The following VRK3 variants were observed in gnomAD, a reference collection of about 807,000 sequenced individuals.
The protein encoded by VRK3 is serine/threonine-protein kinase VRK3.
A neutral mutation model predicts 60.4 loss-of-function variants in VRK3; 50 were observed. The observed-to-expected ratio is 0.83, with a 90% confidence interval of 0.66 to 1.05. The LOEUF (loss-of-function observed/expected upper bound fraction) is 1.05. Among genes scored for constraint, VRK3 ranks in the 50% least tolerant of loss-of-function variants. The pLI is 0.00. For missense variants in VRK3, 549 were observed against 585.3 expected (o/e 0.94, Z 0.64); for synonymous variants, 246 against 227.8 (o/e 1.08, Z -0.72).
intron 14 of VRK3, chr19:49,978,826 C>T: frequency 5.4e-6 from 2 of 373,216 alleles, no homozygotes; most frequent in South Asian, 1.2e-4. Context: ...GCCTGAAGCT[C>T]CCCCTTGTAA....
chr19:49,993,532 G>A (rs542174619), intron 9 of VRK3, among the ~76,000 whole-genome samples: 1 of 152,186 alleles, frequency 6.6e-6, no homozygotes, highest in African/African-American at 2.4e-5. Context: ...ACAAGTAGCT[G>A]GGACTACAGG....
chr19:50,015,929 T>C (rs1468651053), intron 3 of VRK3, 95 bp downstream of exon 3: 2 of 1,549,184 alleles, frequency 1.3e-6, no homozygotes, highest in East Asian at 4.5e-5. Flanking sequence ...CAGGACAGGG[T>C]CAGACAGGCT....
At chr19:50,005,050 A>AT (rs1005087701) in intron 5 of VRK3, among the ~76,000 whole-genome samples, 7 of 148,270 alleles carry the variant, frequency 4.7e-5, no homozygotes, top group Admixed American at 4.0e-4. Context: ...TCCCTCTGTT[A>AT]TTAACACTGC....
rs528141248 is a variant in VRK3, at chr19:49,988,146, C to T, written c.1217+226G>A. The T allele has an allele frequency of 1.8e-4, 87 of 476,386 alleles. 1 individual carries two copies. In the South Asian group the frequency reaches 2.0e-3, roughly 11 times the overall value. The allele number at this position is 476,386 out of a possible 1,614,324, so 29.5% of individuals were successfully genotyped here. A position where few individuals can be genotyped will look rare whatever the true frequency, so the allele number is the denominator to read the frequency against. On this transcript the variant is annotated intron_variant, in intron 12 of 14. Coordinates refer to ENST00000316763, the MANE Select transcript of VRK3 (RefSeq NM_016440.4). Reference sequence around the variant, plus strand: ...CACTGAGGCTCGCAGACGTTAACACCCCACAGTGGTGGTGCCAGAGTCTGA... The same window carrying T: ...CACTGAGGCTCGCAGACGTTAACACTCCACAGTGGTGGTGCCAGAGTCTGA...
At chr19:49,992,604 A>G (rs911843487) in intron 10 of VRK3, among the ~76,000 whole-genome samples, 1 of 152,214 alleles carries the variant, frequency 6.6e-6, no homozygotes. Flanking sequence ...TTACATCTCT[A>G]TAGTTACTAA....
intron 3 of VRK3, 100 bp downstream of exon 3, chr19:50,015,924 C>A: frequency 6.5e-7 from 1 of 1,531,956 alleles, no homozygotes; most frequent in Non-Finnish European, 8.9e-7. Flanking sequence ...AGTGTCAGGA[C>A]AGGGTCAGAC....
intron 5 of VRK3, among the ~76,000 whole-genome samples, chr19:50,007,000 C>A (rs535275800): frequency 6.6e-6 from 1 of 152,146 alleles, no homozygotes; most frequent in African/African-American, 2.4e-5. Flanking sequence ...TGCAGAAACC[C>A]TGAGCCCAGC....
intron 9 of VRK3, among the ~76,000 whole-genome samples, chr19:49,994,316 C>T (rs1371119114): frequency 6.6e-6 from 1 of 152,194 alleles, no homozygotes; most frequent in Non-Finnish European, 1.5e-5. Flanking sequence ...TTATGCTGCT[C>T]CCTGCTCTGC....
intron 12 of VRK3, chr19:49,981,900 G>T: frequency 9.9e-7 from 1 of 1,011,346 alleles, no homozygotes; most frequent in Non-Finnish European, 1.3e-6. Context: ...TAGGTTCAAA[G>T]CAAGCAGGCT....
chr19:49,979,392 G>T, intron 13 of VRK3, 150 bp from the exon 14 acceptor site: 4 of 1,118,782 alleles, frequency 3.6e-6, no homozygotes, highest in Non-Finnish European at 3.8e-6. Flanking sequence ...GCCTGGCATT[G>T]CCAGAGGACT....
chr19:50,005,684 G>A (rs932210679), intron 5 of VRK3, among the ~76,000 whole-genome samples: 2 of 149,936 alleles, frequency 1.3e-5, no homozygotes, highest in Admixed American at 6.6e-5. Context: ...AGAATATCAC[G>A]CAGCCATAAA....
At chr19:49,994,783 C>T (rs376135528) in intron 9 of VRK3, 31 bp downstream of exon 9, 17 of 1,594,954 alleles carry the variant, frequency 1.1e-5, no homozygotes, top group South Asian at 2.2e-5. Flanking sequence ...CCCTCCCTGA[C>T]GCGGCAGCTG....
chr19:49,981,617 G>T, intron 12 of VRK3: 1 of 702,816 alleles, frequency 1.4e-6, no homozygotes, highest in Non-Finnish European at 1.8e-6. Context: ...TATGTAATAA[G>T]TATTGTTGAT....
chr19:49,985,901 G>A (rs2076507252), intron 12 of VRK3, among the ~76,000 whole-genome samples: 2 of 152,220 alleles, frequency 1.3e-5, no homozygotes, highest in Non-Finnish European at 2.9e-5. Context: ...TTGAGCCCAG[G>A]AGCCCCTGCT....
chr19:50,018,110 A>G (rs2077106620), intron 2 of VRK3, among the ~76,000 whole-genome samples: 2 of 152,212 alleles, frequency 1.3e-5, no homozygotes. Context: ...TGGGCAAGCT[A>G]CTTAACCTCT....
chr19:50,015,089 G>T (rs925689380), intron 3 of VRK3, among the ~76,000 whole-genome samples: 1 of 152,104 alleles, frequency 6.6e-6, no homozygotes, highest in African/African-American at 2.4e-5. Flanking sequence ...TGGGAAACTG[G>T]ATGAATGGAG....
At chr19:50,017,404 G>A (rs773500839) in intron 2 of VRK3, among the ~76,000 whole-genome samples, 3 of 150,598 alleles carry the variant, frequency 2.0e-5, no homozygotes, top group Non-Finnish European at 4.4e-5. Flanking sequence ...GAGAAACCCC[G>A]TCTCTACTAA....
chr19:49,979,953 G>C (rs1190686640), intron 13 of VRK3, among the ~76,000 whole-genome samples: 1 of 152,128 alleles, frequency 6.6e-6, no homozygotes, highest in East Asian at 1.9e-4. Context: ...GGGAGGCAGA[G>C]GCAGGAGAAT....
chr19:50,015,936 G>C (rs1404110292), intron 3 of VRK3, 88 bp downstream of exon 3: 3 of 1,572,604 alleles, frequency 1.9e-6, no homozygotes, highest in African/African-American at 2.7e-5. Flanking sequence ...GGGTCAGACA[G>C]GCTGCAAAGG....
Sources: gnomAD v4.1 joint callset for allele counts (sites outside exome capture counted in the v4.1 genomes callset) on GRCh38, gnomAD v4.1.1 for gene constraint, MANE v1.5 for transcripts, NCBI Gene and HGNC (gene_info 2026-07-23, HGNC 2026-07-21) for gene names.